Variants in TNS1 observed in about 807,000 individuals in gnomAD.
TNS1 encodes the protein tensin 1, also known as tensin-1.
In TNS1, 62 loss-of-function variants were observed where a neutral mutation model predicts 168.6. The observed-to-expected ratio is 0.37, with a 90% CI of 0.30 to 0.45. The LOEUF (loss-of-function observed/expected upper bound fraction) is 0.45. Among genes scored for constraint, TNS1 ranks in the 20% least tolerant of loss-of-function variants. The pLI, the probability that TNS1 is intolerant of heterozygous loss-of-function variation, is 1.00. For synonymous variants in TNS1, 934 were observed against 933.2 expected, an observed-to-expected ratio of 1.00 and a Z score of -0.02; for missense variants, 2,240 against 2,339.4, an observed-to-expected ratio of 0.96 and a Z score of 0.88.
intron 1 of TNS1, among the ~76,000 whole-genome samples, chr2:218,031,100 G>T (rs1209326421): frequency 1.2e-4 from 14 of 118,034 alleles, no homozygotes; most frequent in African/African-American, 7.7e-4. Context: ...GAGCGTGTCT[G>T]TGTGTATGAG....
intron 2 of TNS1, chr2:217,979,023 A>G: frequency 2.2e-6 from 1 of 449,028 alleles, no homozygotes; most frequent in Non-Finnish European, 4.0e-6. Flanking sequence ...GCGGCCGGGG[A>G]GGCAGGGGGC....
At chr2:217,983,603 C>T (rs1958112803) in intron 2 of TNS1, among the ~76,000 whole-genome samples, 2 of 152,248 alleles carry the variant, frequency 1.3e-5, no homozygotes, top group Admixed American at 6.5e-5. Flanking sequence ...CTCGGGAACA[C>T]AGGAAGCCAA....
intron 8 of TNS1, among the ~76,000 whole-genome samples, chr2:217,895,293 G>A (rs1018104831): frequency 2.0e-5 from 3 of 152,152 alleles, no homozygotes; most frequent in Admixed American, 6.5e-5. Context: ...CTCTCTCCCC[G>A]ATAGGAATTC....
At chr2:217,900,671 G>A (rs751381306) in intron 6 of TNS1, 159 bp from the exon 7 acceptor site, 32 of 761,306 alleles carry the variant, frequency 4.2e-5, no homozygotes, top group African/African-American at 1.1e-4. Flanking sequence ...CAGCCTGCCC[G>A]AAGCCAAAGC....
chr2:217,893,561 C>T lies in TNS1; in HGVS notation c.595G>A (p.Val199Ile). The T allele has an allele frequency of 6.2e-7, 1 of 1,607,408 alleles. No individual in the cohort carries two copies. The highest frequency in any genetic ancestry group is 8.5e-7 in the Non-Finnish European group (1 of 1,177,222). ...AGGTCGGGCCAGCCAAATTCCAGTA[C>T]CTGTGGCCCAAGCCATGAGTGAGAA... ...RPDITKLHAKVLEFGWPDLHT... is the reference protein window; with the variant it reads ...RPDITKLHAKILEFGWPDLHT... The change falls in exon 10 of 33, where the codon GTA (valine) becomes ATA (isoleucine). Residue 199 changes from valine (V) to isoleucine (I), a missense_variant and splice_region_variant. By Grantham distance (29) the Val-to-Ile change is conservative. This residue lies in a region of TNS1 where 2,131 missense variants were observed against 2,171.2 expected (regional missense o/e 0.98). Transcript: ENST00000682258.
At chr2:217,920,270 T>C (rs1350524751) in intron 3 of TNS1, 34 bp from the exon 4 acceptor site, 10 of 702,776 alleles carry the variant, frequency 1.4e-5, no homozygotes, top group Non-Finnish European at 2.3e-5. Context: ...CAGGTGAGCA[T>C]ATCTTGTCTC....
At chr2:218,015,977 A>G (rs572448765) in intron 1 of TNS1, among the ~76,000 whole-genome samples, 6 of 152,258 alleles carry the variant, frequency 3.9e-5, no homozygotes, top group African/African-American at 1.4e-4. Flanking sequence ...GGGACTGTCT[A>G]ATTGATTCTG....
At chr2:218,022,429 T>G (rs2106010302) in intron 1 of TNS1, among the ~76,000 whole-genome samples, 1 of 152,192 alleles carries the variant, frequency 6.6e-6, no homozygotes, top group East Asian at 1.9e-4. Flanking sequence ...TCAAGACCCC[T>G]CTCTGCCCTA....
At chr2:217,979,014 C>A (rs1460831967) in intron 2 of TNS1, 5 of 438,724 alleles carry the variant, frequency 1.1e-5, no homozygotes, top group South Asian at 3.5e-5. Context: ...TGAGGACCCG[C>A]GGCCGGGGAG....
At chr2:217,831,421 G>A (rs1559188745) in intron 22 of TNS1, 34 bp downstream of exon 22, 1 of 1,527,484 alleles carries the variant, frequency 6.5e-7, no homozygotes, top group Non-Finnish European at 8.8e-7. Flanking sequence ...CCTCCCCCTG[G>A]CCCCCCTCCC....
At chr2:218,000,003 G>A (rs1169596492) in intron 1 of TNS1, among the ~76,000 whole-genome samples, 2 of 152,154 alleles carry the variant, frequency 1.3e-5, no homozygotes, top group Admixed American at 6.5e-5. Context: ...GAGGACCAGT[G>A]AGTCCCTCTG....
At chr2:217,887,470 G>T (rs1006856756) in intron 12 of TNS1, among the ~76,000 whole-genome samples, 2 of 152,140 alleles carry the variant, frequency 1.3e-5, no homozygotes, top group East Asian at 3.9e-4. Context: ...CACCATGCCC[G>T]GCTAATTTTG....
Position 217,804,227 on chromosome 2 carries a change from A to C in TNS1, c.*232T>G. The C allele has an allele frequency of 1.8e-6, 1 of 548,780 alleles. No individual in the cohort carries two copies. Among genetic ancestry groups the C allele is most frequent in the East Asian group, 3.2e-5 (1 of 31,214 alleles). The allele number at this position is 548,780 out of a possible 1,614,324, so 34.0% of individuals were successfully genotyped here. ...GGGTTTTTGCAGTTTCCATCTACCC[A>C]GGGGAATCCAAGTTCTTCTCCTCCA... On this transcript the variant is annotated 3_prime_UTR_variant, in exon 33 of 33. Coordinates refer to ENST00000682258, the MANE Select transcript of TNS1 (RefSeq NM_001387777.1).
At chr2:217,972,832 C>G (rs539349037) in intron 3 of TNS1, among the ~76,000 whole-genome samples, 1 of 152,302 alleles carries the variant, frequency 6.6e-6, no homozygotes, top group Non-Finnish European at 1.5e-5. Context: ...CAAAATGTAT[C>G]CAGGGGCTAG....
At chr2:218,014,901 AAGGAAGGAAGGAAGGAAGGAAGGC>A (rs1384224540), upstream of TNS1, among the ~76,000 whole-genome samples, 3,648 of 149,160 alleles carry the variant, frequency 0.024, 53 homozygotes, top group Middle Eastern at 0.041. Context: ...GGAAGGAAGG[AAGGAAGGAAGGAAGGAAGGAAGGC>A]AGGCAGGCAG....
intron 18 of TNS1, among the ~76,000 whole-genome samples, chr2:217,856,672 TAA>T (rs1374003726): frequency 6.6e-6 from 1 of 152,022 alleles, no homozygotes; most frequent in East Asian, 1.9e-4. Context: ...TGGGAACACG[TAA>T]AAAGATTTTT....
At position 217,835,142 on chromosome 2, in the gene TNS1, C is replaced by T. The variant is rs1409611206; in HGVS notation, c.3229G>A (p.Ala1077Thr). 8.2e-6 allele frequency: 13 copies of T among 1,592,760 alleles called. No homozygotes were observed. The highest frequency in any genetic ancestry group is 1.1e-5 in the Non-Finnish European group (13 of 1,172,510). Residue 1077 changes from alanine (A) to threonine (T), a missense_variant, in exon 21 of 33, where the codon GCC (alanine) becomes ACC (threonine). Coordinates refer to ENST00000682258, the MANE Select transcript of TNS1 (RefSeq NM_001387777.1). ...KEPHLHSYKEAFEEMEGTSPS... is the reference protein window; with the variant it reads ...KEPHLHSYKETFEEMEGTSPS... ...GAGGTTCCCTCCATCTCCTCGAAGGCCTCCTTGTAGCTGTGCAAATGGGGC... is the reference window on the plus strand; with the variant it reads ...GAGGTTCCCTCCATCTCCTCGAAGGTCTCCTTGTAGCTGTGCAAATGGGGC...
intron 2 of TNS1, among the ~76,000 whole-genome samples, chr2:217,980,381 C>T (rs1958012651): frequency 6.6e-6 from 1 of 152,034 alleles, no homozygotes; most frequent in African/African-American, 2.4e-5. Flanking sequence ...AAAGGTGTTC[C>T]CTCTTGGACA....
intron 3 of TNS1, among the ~76,000 whole-genome samples, chr2:217,931,129 G>T (rs1327144958): frequency 6.6e-6 from 1 of 152,176 alleles, no homozygotes; most frequent in Non-Finnish European, 1.5e-5. Context: ...CTTGTGGCCC[G>T]GTGGGGGAGA....
Sources: gnomAD v4.1 joint callset for allele counts (sites outside exome capture counted in the v4.1 genomes callset) on GRCh38, gnomAD v4.1.1 for gene constraint, gnomAD v4.1.1 regional missense constraint, MANE v1.5 for transcripts, NCBI Gene and HGNC (gene_info 2026-07-23, HGNC 2026-07-21) for gene names.